Variants in LAMA4 observed in about 807,000 individuals in gnomAD.
The protein encoded by LAMA4 is laminin subunit alpha-4.
A neutral mutation model predicts 207.1 loss-of-function variants in LAMA4; 127 were observed. The observed-to-expected ratio is 0.61, with a 90% CI of 0.53 to 0.71. The LOEUF (loss-of-function observed/expected upper bound fraction) is 0.71. Ranked by LOEUF, LAMA4 falls within the 30% of genes least tolerant of loss-of-function variation. LAMA4 has a pLI of 0.00. For synonymous variants in LAMA4, 761 were observed against 816.0 expected (o/e 0.93, Z 1.15); for missense variants, 2,093 against 2,246.5 (o/e 0.93, Z 1.38).
chr6:112,224,190 C>A (rs782500096), intron 2 of LAMA4, among the ~76,000 whole-genome samples: 2 of 152,232 alleles, frequency 1.3e-5, no homozygotes, highest in Non-Finnish European at 2.9e-5. Context: ...TGAGCCTTGA[C>A]ATCTTTACCT....
At chr6:112,146,245 G>A (rs926758156) in intron 18 of LAMA4, among the ~76,000 whole-genome samples, 1 of 151,624 alleles carries the variant, frequency 6.6e-6, no homozygotes, top group African/African-American at 2.4e-5. Context: ...GGCCAAGATC[G>A]CACCACTGCA....
intron 36 of LAMA4, among the ~76,000 whole-genome samples, chr6:112,115,147 C>T (rs1179971758): frequency 1.3e-5 from 2 of 152,064 alleles, no homozygotes. Flanking sequence ...AAATTATAAG[C>T]GATACTGTTA....
chr6:112,248,517 A>AT (rs11380620), intron 2 of LAMA4, among the ~76,000 whole-genome samples: 1 of 150,326 alleles, frequency 6.7e-6, no homozygotes, highest in Non-Finnish European at 1.5e-5. Flanking sequence ...AAAAAAAAAA[A>AT]GTTCAAATGG....
intron 3 of LAMA4, 133 bp from the exon 4 acceptor site, chr6:112,207,278 A>C: frequency 1.0e-6 from 1 of 967,854 alleles, no homozygotes; most frequent in Non-Finnish European, 1.6e-6. Context: ...ATGCGGCAGT[A>C]CAGATTAGCA....
chr6:112,244,238 G>A (rs1170773219), intron 2 of LAMA4, among the ~76,000 whole-genome samples: 1 of 152,126 alleles, frequency 6.6e-6, no homozygotes, highest in African/African-American at 2.4e-5. Flanking sequence ...AGCCACCTCT[G>A]GTCTCTGTCA....
chr6:112,213,856 A>C (rs746172943), intron 3 of LAMA4: 17 of 447,354 alleles, frequency 3.8e-5, no homozygotes, highest in Non-Finnish European at 6.5e-5. Flanking sequence ...ATAAGACAAA[A>C]TGAAATAAAA....
intron 8 of LAMA4, 41 bp downstream of exon 8, chr6:112,187,409 C>A: frequency 6.2e-7 from 1 of 1,613,224 alleles, no homozygotes; most frequent in Non-Finnish European, 8.5e-7. Context: ...CCTGTGAAGC[C>A]AGGATGAAAA....
At position 112,254,184 on chromosome 6, in the gene LAMA4, G is replaced by A. The variant is rs1554190618; in HGVS notation, c.-34C>T. The A allele has an allele frequency of 1.9e-6, 3 of 1,611,404 alleles. No homozygotes were observed. Among genetic ancestry groups the A allele is most frequent in the Non-Finnish European group, 2.5e-6 (3 of 1,179,772 alleles). ...TGACATCCAGTAGTGCTCTTCCAGG[G>A]CTCGGGCGCTGTGGGTCTCCGTAGG... On this transcript the variant is annotated 5_prime_UTR_variant, in exon 2 of 39. Transcript: ENST00000230538.
At chr6:112,202,825 C>G (rs1008137614) in intron 4 of LAMA4, among the ~76,000 whole-genome samples, 90 of 152,308 alleles carry the variant, frequency 5.9e-4, no homozygotes, top group African/African-American at 2.1e-3. Flanking sequence ...ACCCGCGCTT[C>G]CATCTTTCTT....
At position 112,191,765 on chromosome 6, in the gene LAMA4, G is replaced by C. The variant is rs1554349155; in HGVS notation, c.589C>G (p.Leu197Val). The change falls in exon 6 of 39, where the codon CTG (leucine) becomes GTG (valine). Residue 197 changes from leucine (L) to valine (V), a missense_variant. Around this residue, in one of 3 missense-constraint regions of LAMA4, gnomAD observed 1,704 missense variants for 1,788.4 expected, o/e 0.95. Coordinates refer to ENST00000230538, the MANE Select transcript of LAMA4 (RefSeq NM_001105206.3). ...CDCSGNSDPN[L>V]IFEDCDEVTG... ...ACTTCATCACAATCTTCAAAGATCA[G>C]GTTGGGATCTGAATTTCCACTGCAG... 1 of 1,613,922 alleles carries C rather than the reference G, an allele frequency of 6.2e-7. No individual in the cohort carries two copies. Among genetic ancestry groups the C allele is most frequent in the African/African-American group, 1.3e-5 (1 of 74,928 alleles).
chr6:112,241,837 A>G (rs1404831231), intron 2 of LAMA4, among the ~76,000 whole-genome samples: 3 of 152,148 alleles, frequency 2.0e-5, no homozygotes, highest in African/African-American at 4.8e-5. Context: ...CCCTATAGAA[A>G]AGGACCAGCT....
At chr6:112,231,265 G>C (rs1554364349) in intron 2 of LAMA4, among the ~76,000 whole-genome samples, 3 of 152,100 alleles carry the variant, frequency 2.0e-5, no homozygotes, top group Non-Finnish European at 2.9e-5. Flanking sequence ...TCTTGGAGGG[G>C]AGAATGCAGG....
At chr6:112,158,672 G>A in intron 14 of LAMA4, 60 bp downstream of exon 14, 1 of 1,452,890 alleles carries the variant, frequency 6.9e-7, no homozygotes, top group Non-Finnish European at 9.7e-7. Flanking sequence ...ATATGGAATT[G>A]AATAGTAATA....
intron 3 of LAMA4, among the ~76,000 whole-genome samples, chr6:112,210,919 A>G (rs1340805923): frequency 6.6e-6 from 1 of 152,178 alleles, no homozygotes; most frequent in Non-Finnish European, 1.5e-5. Flanking sequence ...AAAATTTTTC[A>G]GTTTAAATTT....
intron 12 of LAMA4, among the ~76,000 whole-genome samples, chr6:112,167,887 C>T (rs561245135): frequency 4.4e-5 from 5 of 113,774 alleles, no homozygotes; most frequent in African/African-American, 1.6e-4. Context: ...CACACACACA[C>T]ACACACAGAG....
chr6:112,138,604 ATC>A (rs1779494193), intron 24 of LAMA4, among the ~76,000 whole-genome samples: 1 of 141,964 alleles, frequency 7.0e-6, no homozygotes, highest in African/African-American at 2.6e-5. Flanking sequence ...TAAATATATA[ATC>A]TTTTATTTTA....
intron 31 of LAMA4, among the ~76,000 whole-genome samples, chr6:112,123,976 A>T (rs1301704164): frequency 1.3e-5 from 2 of 152,202 alleles, no homozygotes; most frequent in Non-Finnish European, 2.9e-5. Flanking sequence ...AGGTGGGCAG[A>T]ATGGGCTGGA....
rs71762704 is a variant in LAMA4, at chr6:112,249,441, C to CAAA, written c.195+4512_195+4514dup. 1.1e-3 allele frequency among the ~76,000 whole-genome samples: 59 copies of CAAA among 52,738 alleles called. 2 individuals carry two copies. Among genetic ancestry groups the CAAA allele is most frequent in the African/African-American group, 3.4e-3 (49 of 14,550 alleles). 34.6% of individuals were successfully genotyped at this position (52,738 alleles called of 152,430 possible). On this transcript the variant is annotated intron_variant, in intron 2 of 38. Transcript: ENST00000230538. ...CAGGCAATAGAGCAAGACTCTGTTT[C>CAAA]AAAAAAAAAAAAAAAAAAAAAAAAA...
At chr6:112,220,724 C>G (rs1554360348) in intron 2 of LAMA4, among the ~76,000 whole-genome samples, 1 of 152,174 alleles carries the variant, frequency 6.6e-6, no homozygotes, top group East Asian at 1.9e-4. Flanking sequence ...ACCAACAATA[C>G]TGTCATTGGA....
Sources: allele counts gnomAD v4.1 joint callset (sites outside exome capture counted in the v4.1 genomes callset), GRCh38; gene constraint gnomAD v4.1.1; regional missense constraint gnomAD v4.1.1; transcripts MANE v1.5; gene names NCBI Gene and HGNC (gene_info 2026-07-23, HGNC 2026-07-21).